Variants in ABI3BP observed in about 807,000 individuals in gnomAD.
ABI3BP encodes ABI family member 3 binding protein.
In ABI3BP, 216 loss-of-function variants were observed where a neutral mutation model predicts 268.6. The ratio of observed to expected loss-of-function variants is 0.80; its 90% confidence interval spans 0.72 to 0.90. The LOEUF (loss-of-function observed/expected upper bound fraction) is 0.90, where lower values mean the gene tolerates loss of function less well. Ranked by LOEUF, ABI3BP falls within the 40% of genes least tolerant of loss-of-function variation. The pLI is 0.00. For synonymous variants in ABI3BP, 730 were observed against 730.0 expected (o/e 1.00, Z 0.00); for missense variants, 2,090 against 2,182.4 (o/e 0.96, Z 0.84).
intron 52 of ABI3BP, 56 bp downstream of exon 52, chr3:100,796,353 A>AT (rs201011497): frequency 0.014 from 16,755 of 1,163,024 alleles, no homozygotes; most frequent in East Asian, 0.018. Flanking sequence ...TACTTCAAGA[A>AT]TTTTTTTTTT....
At chr3:100,815,845 G>T in intron 44 of ABI3BP, 67 bp downstream of exon 44, 4 of 1,169,828 alleles carry the variant, frequency 3.4e-6, no homozygotes, top group South Asian at 3.0e-5. Flanking sequence ...CTCTGGTCAT[G>T]ACAGTGCTCA....
intron 1 of ABI3BP, among the ~76,000 whole-genome samples, chr3:100,985,905 T>C (rs1305231713): frequency 6.6e-6 from 1 of 152,250 alleles, no homozygotes. Flanking sequence ...TTTCCCATAT[T>C]CATAGTTTCA....
At chr3:100,909,050 C>T (rs2054970353) in intron 2 of ABI3BP, among the ~76,000 whole-genome samples, 1 of 152,056 alleles carries the variant, frequency 6.6e-6, no homozygotes, top group Admixed American at 6.6e-5. Flanking sequence ...GTACTGGTAC[C>T]AAAACAGATA....
intron 6 of ABI3BP, among the ~76,000 whole-genome samples, chr3:100,879,158 C>A (rs1010870243): frequency 1.3e-5 from 2 of 152,222 alleles, no homozygotes; most frequent in African/African-American, 4.8e-5. Flanking sequence ...GTCAATATCT[C>A]CTCACTGCCC....
chr3:100,885,174 G>A (rs1581892196), intron 6 of ABI3BP, among the ~76,000 whole-genome samples: 1 of 152,068 alleles, frequency 6.6e-6, no homozygotes, highest in East Asian at 1.9e-4. Context: ...AAAATAGAAA[G>A]GAAAGGTTTG....
intron 9 of ABI3BP, among the ~76,000 whole-genome samples, chr3:100,870,594 G>A (rs900020967): frequency 6.6e-6 from 1 of 152,202 alleles, no homozygotes; most frequent in African/African-American, 2.4e-5. Flanking sequence ...TATTGTTGAG[G>A]TGGAAATGTA....
At chr3:100,830,110 CATAT>C (rs559297681) in intron 32 of ABI3BP, among the ~76,000 whole-genome samples, 851 of 43,470 alleles carry the variant, frequency 0.02, 5 homozygotes, top group Non-Finnish European at 0.024. Flanking sequence ...TACATACATA[CATAT>C]ATATATATAT....
At chr3:100,785,756 G>A (rs1006534835) in intron 57 of ABI3BP, among the ~76,000 whole-genome samples, 1 of 152,194 alleles carries the variant, frequency 6.6e-6, no homozygotes, top group African/African-American at 2.4e-5. Flanking sequence ...TACTGCTGGT[G>A]TGAATTTTGG....
intron 1 of ABI3BP, among the ~76,000 whole-genome samples, chr3:100,939,112 T>C (rs1026693454): frequency 6.6e-6 from 1 of 152,112 alleles, no homozygotes; most frequent in Non-Finnish European, 1.5e-5. Context: ...TGGAATCTTT[T>C]CTCAAAATCC....
At chr3:100,865,349 A>T (rs2153196725) in intron 10 of ABI3BP, among the ~76,000 whole-genome samples, 1 of 152,324 alleles carries the variant, frequency 6.6e-6, no homozygotes, top group South Asian at 2.1e-4. Flanking sequence ...ACTCTGGGCT[A>T]AAAGTCTTAC....
intron 1 of ABI3BP, among the ~76,000 whole-genome samples, chr3:100,977,951 C>G (rs7623956): frequency 0.14 from 21,978 of 152,138 alleles, 1,661 homozygotes; most frequent in Middle Eastern, 0.2. Context: ...TTCTTCCAGC[C>G]CTTCACTTGA....
At chr3:100,981,603 A>G (rs923548694) in intron 1 of ABI3BP, among the ~76,000 whole-genome samples, 1 of 152,204 alleles carries the variant, frequency 6.6e-6, no homozygotes, top group Admixed American at 6.5e-5. Flanking sequence ...GGATAGGCGG[A>G]GAAAAAAATG....
At chr3:100,805,291 G>T (rs1560265364) in intron 50 of ABI3BP, among the ~76,000 whole-genome samples, 1 of 152,132 alleles carries the variant, frequency 6.6e-6, no homozygotes, top group East Asian at 1.9e-4. Context: ...ATGGAACATG[G>T]ATATGCTTGA....
chr3:100,812,417 T>C, intron 46 of ABI3BP, 50 bp downstream of exon 46: 1 of 1,192,694 alleles, frequency 8.4e-7, no homozygotes, highest in East Asian at 3.0e-5. Flanking sequence ...GACTTTGCAA[T>C]GAGATGGAAA....
At chr3:100,852,327 G>A (rs887263177) in intron 14 of ABI3BP, among the ~76,000 whole-genome samples, 9 of 152,174 alleles carry the variant, frequency 5.9e-5, no homozygotes, top group Non-Finnish European at 1.0e-4. Context: ...TCCCATTGAG[G>A]CAATTTGCCC....
At chr3:100,906,326 T>G (rs2153526874) in intron 2 of ABI3BP, among the ~76,000 whole-genome samples, 1 of 152,370 alleles carries the variant, frequency 6.6e-6, no homozygotes, top group Non-Finnish European at 1.5e-5. Context: ...TACAGCCAAT[T>G]ACAAATTGGA....
chr3:100,860,915 C>T (rs982060109), intron 14 of ABI3BP, among the ~76,000 whole-genome samples: 7 of 152,150 alleles, frequency 4.6e-5, no homozygotes, highest in African/African-American at 1.4e-4. Context: ...AGCAGATAAA[C>T]CATCACATAT....
At chr3:100,938,716 T>C (rs2067405054) in intron 1 of ABI3BP, among the ~76,000 whole-genome samples, 1 of 152,156 alleles carries the variant, frequency 6.6e-6, no homozygotes, top group Non-Finnish European at 1.5e-5. Flanking sequence ...TAAATGATGT[T>C]ATCAATTAAG....
intron 39 of ABI3BP, among the ~76,000 whole-genome samples, chr3:100,820,657 G>A (rs917726680): frequency 6.6e-6 from 1 of 152,108 alleles, no homozygotes; most frequent in Non-Finnish European, 1.5e-5. Context: ...GTCAATCAGA[G>A]AATATCACAT....
Sources: allele counts gnomAD v4.1 joint callset (sites outside exome capture counted in the v4.1 genomes callset), GRCh38; gene constraint gnomAD v4.1.1; transcripts MANE v1.5; gene names NCBI Gene and HGNC (gene_info 2026-07-23, HGNC 2026-07-21).